WDPCP: variants seen among roughly 807,000 people sequenced by gnomAD.
The protein encoded by WDPCP is WD repeat-containing and planar cell polarity effector protein fritz homolog.
In WDPCP, 71 loss-of-function variants were observed where a neutral mutation model predicts 93.1. That is an observed-to-expected ratio of 0.76 (90% confidence interval 0.63 to 0.93). The LOEUF (loss-of-function observed/expected upper bound fraction) is 0.93, where lower values mean the gene tolerates loss of function less well. WDPCP is among the 40% of genes least tolerant of loss of function. The probability of loss-of-function intolerance (pLI) is 0.00; values close to 1 mark genes in which losing one functional copy is unlikely to be tolerated. For synonymous variants in WDPCP, 315 were observed against 315.0 expected, an observed-to-expected ratio of 1.00 and a Z score of 0.00; for missense variants, 844 against 887.4, an observed-to-expected ratio of 0.95 and a Z score of 0.62.
intron 1 of WDPCP, among the ~76,000 whole-genome samples, chr2:63,814,083 C>A (rs1670896866): frequency 6.6e-6 from 1 of 152,030 alleles, no homozygotes; most frequent in African/African-American, 2.4e-5. Flanking sequence ...GGATGTATAC[C>A]TGGAACATTA....
rs540315035 is a variant in WDPCP, at chr2:63,604,089, A to G, written n.488+46570T>C. Among the ~76,000 whole-genome samples the G allele has an allele frequency of 2.6e-4, 39 of 152,390 alleles. 1 individual carries two copies. In the South Asian group the frequency reaches 7.9e-3, roughly 31 times the overall value. On this transcript the variant is annotated intron_variant and non_coding_transcript_variant, in intron 3 of 4. Coordinates refer to the WDPCP transcript ENST00000467687. ...TATGTTATAATTTTAGAGTGTATATATGTGTGTACACACACACACATACAC... is the reference window on the plus strand; with the variant it reads ...TATGTTATAATTTTAGAGTGTATATGTGTGTGTACACACACACACATACAC...
intron 4 of WDPCP, among the ~76,000 whole-genome samples, chr2:63,485,676 T>TA (rs1395048424): frequency 2.6e-5 from 4 of 151,854 alleles, no homozygotes; most frequent in Non-Finnish European, 5.9e-5. Context: ...TAAAATAAAT[T>TA]AAAAATAGTT....
chr2:63,787,330 A>G (rs1247576921), intron 2 of WDPCP, among the ~76,000 whole-genome samples: 1 of 151,978 alleles, frequency 6.6e-6, no homozygotes, highest in Non-Finnish European at 1.5e-5. Flanking sequence ...GGTCAACCAG[A>G]TTCCTACACC....
At chr2:63,595,576 GT>G in intron 3 of WDPCP, 2 of 1,122,152 alleles carry the variant, frequency 1.8e-6, no homozygotes, top group Non-Finnish European at 2.7e-6. Flanking sequence ...CAAAATACAG[GT>G]TTTAGGTTTT....
chr2:63,440,014 G>A, intron 6 of WDPCP, 143 bp from the exon 7 acceptor site: 1 of 635,308 alleles, frequency 1.6e-6, no homozygotes, highest in Non-Finnish European at 2.8e-6. Flanking sequence ...TTTCTTCACT[G>A]AAAAACAATT....
intron 2 of WDPCP, among the ~76,000 whole-genome samples, chr2:63,783,993 C>T (rs1204908192): frequency 6.6e-6 from 1 of 152,194 alleles, no homozygotes; most frequent in African/African-American, 2.4e-5. Context: ...AGCACCGTTT[C>T]ACATTTGCAG....
intron 9 of WDPCP, among the ~76,000 whole-genome samples, chr2:63,406,081 A>G (rs368812979): frequency 6.6e-6 from 1 of 152,262 alleles, no homozygotes; most frequent in South Asian, 2.1e-4. Context: ...AACTATTTCA[A>G]GATTAAAAGT....
chr2:63,354,352 C>A (rs1262541192), intron 12 of WDPCP, among the ~76,000 whole-genome samples: 3 of 152,212 alleles, frequency 2.0e-5, no homozygotes, highest in Non-Finnish European at 4.4e-5. Context: ...GTCCCTTCCT[C>A]TGCTGCCTCC....
chr2:63,486,125 T>A (rs932688686), intron 4 of WDPCP, among the ~76,000 whole-genome samples: 2 of 151,768 alleles, frequency 1.3e-5, no homozygotes, highest in Non-Finnish European at 2.9e-5. Flanking sequence ...ACAACATACT[T>A]ATATACTGGA....
chr2:63,611,830 T>A, intron 3 of WDPCP, among the ~76,000 whole-genome samples: 1 of 152,208 alleles, frequency 6.6e-6, no homozygotes, highest in East Asian at 1.9e-4. Flanking sequence ...ATAAATGGGT[T>A]CTTGTCAATT....
At chr2:63,568,094 C>T (rs1707211748) in intron 1 of WDPCP, among the ~76,000 whole-genome samples, 1 of 152,074 alleles carries the variant, frequency 6.6e-6, no homozygotes, top group Admixed American at 6.5e-5. Flanking sequence ...CAGGCACTTA[C>T]ATATATTAAT....
chr2:63,727,084 T>C (rs990892065), intron 2 of WDPCP, among the ~76,000 whole-genome samples: 1 of 152,148 alleles, frequency 6.6e-6, no homozygotes, highest in Non-Finnish European at 1.5e-5. Context: ...AGTACTATGT[T>C]GAATAGGAGT....
At chr2:63,663,317 C>T (rs1710248571) in intron 2 of WDPCP, among the ~76,000 whole-genome samples, 1 of 152,202 alleles carries the variant, frequency 6.6e-6, no homozygotes, top group South Asian at 2.1e-4. Flanking sequence ...AAGAGGCCAA[C>T]TTCTTCAATA....
At chr2:63,209,081 AAAAAAC>A (rs1157481761) in intron 14 of WDPCP, among the ~76,000 whole-genome samples, 3 of 152,198 alleles carry the variant, frequency 2.0e-5, no homozygotes, top group Non-Finnish European at 2.9e-5. Flanking sequence ...CTGGGCCAGT[AAAAAAC>A]AAAAACAAAA....
At chr2:63,376,363 A>G (rs1015543395) in intron 12 of WDPCP, among the ~76,000 whole-genome samples, 1 of 151,962 alleles carries the variant, frequency 6.6e-6, no homozygotes, top group African/African-American at 2.4e-5. Context: ...AATAATAGTG[A>G]CCTTATCAAA....
chr2:63,605,418 G>A (rs1709509796), intron 3 of WDPCP: 2 of 1,474,144 alleles, frequency 1.4e-6, no homozygotes, highest in South Asian at 1.1e-5. Context: ...ATTTGCACAG[G>A]TCACTCTATT....
Position 63,381,972 on chromosome 2 carries a change from A to G in WDPCP, c.1558T>C (p.Cys520Arg). 6.2e-7 allele frequency: 1 copy of G among 1,613,562 alleles called. No individual in the cohort carries two copies. The change falls in exon 11 of 18, where the codon TGC becomes CGC. Residue 520 changes from cysteine to arginine, a missense_variant. By Grantham distance (180) the Cys-to-Arg change is radical. Transcript: ENST00000272321. ...SMNWDTLGHQCFISMSAIVNH... is the reference protein window; with the variant it reads ...SMNWDTLGHQRFISMSAIVNH... ...ACAATGGCGCTCATGCTGATAAAGC[A>G]CTGGTGGCCCAGAGTGTCCCAGTTC...
chr2:63,800,296 T>C (rs1256824419), intron 2 of WDPCP, among the ~76,000 whole-genome samples: 1 of 152,208 alleles, frequency 6.6e-6, no homozygotes, highest in Non-Finnish European at 1.5e-5. Flanking sequence ...CTTTGTATAG[T>C]GAGTAACGGA....
intron 1 of WDPCP, among the ~76,000 whole-genome samples, chr2:63,529,417 A>G (rs952913055): frequency 1.3e-5 from 2 of 152,222 alleles, no homozygotes; most frequent in Admixed American, 1.3e-4. Context: ...CAGAGTTTTT[A>G]GCATGAAGCG....
Sources: gnomAD v4.1 joint callset for allele counts (sites outside exome capture counted in the v4.1 genomes callset) on GRCh38, gnomAD v4.1.1 for gene constraint, MANE v1.5 for transcripts, NCBI Gene and HGNC (gene_info 2026-07-23, HGNC 2026-07-21) for gene names.